Variants in LUC7L2 observed in about 807,000 individuals in gnomAD.
LUC7L2 encodes putative RNA-binding protein Luc7-like 2.
LUC7L2 carries 25 observed loss-of-function variants against 52.8 expected under a neutral mutation model. The observed-to-expected ratio is 0.47, with a 90% CI of 0.34 to 0.66. The LOEUF is 0.66. LUC7L2 is among the 30% of genes least tolerant of loss of function. The probability of loss-of-function intolerance (pLI) is 0.01; values close to 1 mark genes in which losing one functional copy is unlikely to be tolerated. For synonymous variants in LUC7L2, 144 were observed against 160.9 expected (o/e 0.89, Z 0.80); for missense variants, 328 against 497.8 (o/e 0.66, Z 3.25).
At chr7:139,351,536 C>T (rs1799458315) in intron 1 of LUC7L2, among the ~76,000 whole-genome samples, 1 of 152,200 alleles carries the variant, frequency 6.6e-6, no homozygotes, top group Admixed American at 6.5e-5. Context: ...TCTTCAAGTC[C>T]ATTTTCCCCT....
At chr7:139,383,545 G>C (rs1433933833) in intron 2 of LUC7L2, among the ~76,000 whole-genome samples, 4 of 151,594 alleles carry the variant, frequency 2.6e-5, no homozygotes, top group Non-Finnish European at 4.4e-5. Context: ...CCGAGTAGCT[G>C]GGATTAGAGG....
At chr7:139,374,026 C>T (rs1003204339) in intron 1 of LUC7L2, among the ~76,000 whole-genome samples, 3 of 152,074 alleles carry the variant, frequency 2.0e-5, no homozygotes, top group African/African-American at 7.2e-5. Flanking sequence ...AAGCAAAAAG[C>T]TTCTAATTAA....
At chr7:139,356,301 C>G (rs1167679715), upstream of LUC7L2, among the ~76,000 whole-genome samples, 1 of 114,714 alleles carries the variant, frequency 8.7e-6, no homozygotes, top group South Asian at 2.8e-4. Flanking sequence ...GGTGACAGAG[C>G]AAGACCCTAT....
At chr7:139,359,481 G>A (rs776997197), upstream of LUC7L2, 19 of 201,824 alleles carry the variant, frequency 9.4e-5, no homozygotes, top group Non-Finnish European at 1.6e-4. Context: ...CGCCACTCGG[G>A]GCGGGCGTTC....
In LUC7L2 at chr7:139,350,271, GC is replaced by G. The variant is rs550345015; in HGVS notation, c.-26+9756del. 9.9e-5 allele frequency among the ~76,000 whole-genome samples: 15 copies of G among 152,066 alleles called. No homozygotes were observed. In the South Asian group the frequency reaches 2.9e-3, roughly 29 times the overall value. ...TGAGTAGCTGGGACTACAGGCGCCCGCCACCACGCCCGGCTAATTTTTTGTA... is the reference window on the plus strand; with the variant it reads ...TGAGTAGCTGGGACTACAGGCGCCCGCACCACGCCCGGCTAATTTTTTGTA... On this transcript the variant is annotated intron_variant, in intron 1 of 10. Coordinates refer to the LUC7L2 transcript ENST00000541170.
intron 2 of LUC7L2, among the ~76,000 whole-genome samples, chr7:139,389,834 A>G (rs935122508): frequency 7.2e-5 from 11 of 152,202 alleles, no homozygotes; most frequent in African/African-American, 2.7e-4. Context: ...AATATGCAAA[A>G]ATAAGTAGGT....
intron 1 of LUC7L2, among the ~76,000 whole-genome samples, chr7:139,351,667 T>C (rs1226225771): frequency 6.6e-6 from 1 of 152,242 alleles, no homozygotes; most frequent in Admixed American, 6.5e-5. Context: ...TCTCTGTGTT[T>C]GACAGTCCAG....
At chr7:139,392,382 C>A in intron 2 of LUC7L2, 1 of 361,532 alleles carries the variant, frequency 2.8e-6, no homozygotes, top group African/African-American at 2.2e-5. Flanking sequence ...TTTGGAATTT[C>A]AAAAGAAAAG....
intron 8 of LUC7L2, among the ~76,000 whole-genome samples, chr7:139,415,683 C>T (rs1054052482): frequency 1.5e-4 from 22 of 146,384 alleles, no homozygotes; most frequent in African/African-American, 4.2e-4. Flanking sequence ...ATTGTAGATA[C>T]GGGGTCTCCC....
In LUC7L2 at chr7:139,388,054, A is replaced by G. The variant is rs537945927; in HGVS notation, c.157-10545A>G. Among the ~76,000 whole-genome samples the G allele has an allele frequency of 5.9e-5, 9 of 152,180 alleles. No individual in the cohort carries two copies. In the South Asian group the frequency reaches 1.0e-3, roughly 18 times the overall value. The stretch of plus-strand genomic sequence containing the variant: ...TCTCCTCTCTACAAATTTAAATCCT[A>G]TCTGGCTTACTATATGTGATTGCCT... On this transcript the variant is annotated intron_variant, in intron 2 of 9. Coordinates refer to ENST00000354926, the MANE Select transcript of LUC7L2 (RefSeq NM_016019.5).
chr7:139,399,017 T>C (rs907727619), intron 3 of LUC7L2, among the ~76,000 whole-genome samples: 1 of 152,168 alleles, frequency 6.6e-6, no homozygotes, highest in African/African-American at 2.4e-5. Context: ...TATAAGGACC[T>C]ATCTTTAGTA....
chr7:139,379,549 CTTTTTTTTTTTTTTTTTTTT>C (rs539771697), intron 2 of LUC7L2, among the ~76,000 whole-genome samples: 141 of 52,706 alleles, frequency 2.7e-3, no homozygotes, highest in East Asian at 0.014. Flanking sequence ...ATAACTAATG[CTTTTTTTTTTTTTTTTTTTT>C]TTTTTTTTTT....
chr7:139,360,372 A>G (rs1271540874), intron 1 of LUC7L2, 50 bp downstream of exon 1: 1 of 1,525,438 alleles, frequency 6.6e-7, no homozygotes. Context: ...GGGGACGGCG[A>G]AGGGAAGGGG....
At chr7:139,415,063 T>TG (rs1569395474) in intron 8 of LUC7L2, among the ~76,000 whole-genome samples, 3 of 144,128 alleles carry the variant, frequency 2.1e-5, no homozygotes, top group African/African-American at 7.5e-5. Context: ...AGTTTTTTTT[T>TG]TTTTTTTTTT....
At chr7:139,396,499 G>A (rs574254790) in intron 2 of LUC7L2, among the ~76,000 whole-genome samples, 5 of 152,170 alleles carry the variant, frequency 3.3e-5, no homozygotes, top group South Asian at 2.1e-4. Flanking sequence ...GAGTCCCTTC[G>A]GGCCATAATA....
intron 2 of LUC7L2, among the ~76,000 whole-genome samples, chr7:139,394,670 G>C (rs1026007262): frequency 6.6e-6 from 1 of 152,188 alleles, no homozygotes; most frequent in Non-Finnish European, 1.5e-5. Flanking sequence ...AGGAGATACG[G>C]AAGAAAGGAA....
chr7:139,345,648 G>T (rs1799236650), intron 1 of LUC7L2: 1 of 1,614,164 alleles, frequency 6.2e-7, no homozygotes, highest in Non-Finnish European at 8.5e-7. Context: ...GGAGTCTGCT[G>T]GCTTGGTGGG....
chr7:139,400,618 T>A (rs1056901152), intron 3 of LUC7L2, among the ~76,000 whole-genome samples: 12 of 152,200 alleles, frequency 7.9e-5, no homozygotes, highest in African/African-American at 2.9e-4. Flanking sequence ...TGGCTTCATT[T>A]TATAGACTTT....
At chr7:139,378,415 TA>T (rs568247470) in intron 2 of LUC7L2, among the ~76,000 whole-genome samples, 2 of 148,892 alleles carry the variant, frequency 1.3e-5, no homozygotes, top group South Asian at 2.1e-4. Flanking sequence ...CAAAAAGAAT[TA>T]AAAAAAAAAT....
Sources: allele counts gnomAD v4.1 joint callset (sites outside exome capture counted in the v4.1 genomes callset), GRCh38; gene constraint gnomAD v4.1.1; transcripts MANE v1.5; gene names NCBI Gene and HGNC (gene_info 2026-07-23, HGNC 2026-07-21).